The following KALRN variants were observed in gnomAD, a reference collection of about 807,000 sequenced individuals.
The protein encoded by KALRN is kalirin.
A neutral mutation model predicts 353.7 loss-of-function variants in KALRN; 70 were observed. That is an observed-to-expected ratio of 0.20 (90% confidence interval 0.16 to 0.24). The LOEUF (loss-of-function observed/expected upper bound fraction) is 0.24, where lower values mean the gene tolerates loss of function less well. Ranked by LOEUF, KALRN falls within the 10% of genes least tolerant of loss-of-function variation. The probability of loss-of-function intolerance (pLI) is 1.00; values close to 1 mark genes in which losing one functional copy is unlikely to be tolerated. For synonymous variants in KALRN, 1,391 were observed against 1,434.8 expected (o/e 0.97, Z 0.69); for missense variants, 2,791 against 3,756.7 (o/e 0.74, Z 6.72).
At chr3:124,692,354 T>C (rs577162201) in intron 51 of KALRN, among the ~76,000 whole-genome samples, 1 of 152,350 alleles carries the variant, frequency 6.6e-6, no homozygotes, top group African/African-American at 2.4e-5. Flanking sequence ...CTGGGTGGTA[T>C]AAGCAGGCAC....
At chr3:124,366,790 G>C (rs1365533253) in intron 10 of KALRN, among the ~76,000 whole-genome samples, 2 of 151,706 alleles carry the variant, frequency 1.3e-5, no homozygotes, top group Non-Finnish European at 2.9e-5. Flanking sequence ...GCCGGGCAGA[G>C]GCGCCCCTCA....
chr3:124,216,659 T>C (rs1043764617), intron 1 of KALRN, among the ~76,000 whole-genome samples: 10 of 152,218 alleles, frequency 6.6e-5, no homozygotes, highest in Admixed American at 1.3e-4. Context: ...GAGAAGGATT[T>C]TGGCTTCATG....
chr3:124,084,998 T>C (rs2060734396), intron 1 of KALRN, among the ~76,000 whole-genome samples: 1 of 152,194 alleles, frequency 6.6e-6, no homozygotes, highest in Non-Finnish European at 1.5e-5. Flanking sequence ...AGACGTACCA[T>C]GTAACGACAC....
rs373881289 is a variant in KALRN, at chr3:124,201,317, G to A, written c.74-26673G>A. On this transcript the variant is annotated intron_variant, in intron 1 of 59. Transcript: ENST00000682506. ...AGGATTCTGAAGTCTGGGAAGTCCC[G>A]GCTGAACTTGGGCTCAGAAGCTGGT... Among the ~76,000 whole-genome samples the A allele has an allele frequency of 1.3e-3, 193 of 152,278 alleles. 1 individual carries two copies. Among genetic ancestry groups the A allele is most frequent in the African/African-American group, 3.7e-3 (155 of 41,552 alleles).
At chr3:124,377,396 T>G (rs1261061100) in intron 10 of KALRN, among the ~76,000 whole-genome samples, 1 of 152,172 alleles carries the variant, frequency 6.6e-6, no homozygotes, top group Non-Finnish European at 1.5e-5. Context: ...TTAATTACAT[T>G]ATAGTCAGAG....
At chr3:124,442,121 C>G in intron 19 of KALRN, 62 bp downstream of exon 19, 1 of 945,732 alleles carries the variant, frequency 1.1e-6, no homozygotes, top group Non-Finnish European at 1.6e-6. Context: ...TGAAATATAC[C>G]ATGTACCCAG....
Position 124,509,774 on chromosome 3 carries a change from A to G in KALRN, c.4935+13361A>G, listed in dbSNP as rs1257882819. Among the ~76,000 whole-genome samples, 6 of 152,240 alleles carry G rather than the reference A, an allele frequency of 3.9e-5. No individual in the cohort carries two copies. In the East Asian group the frequency reaches 1.2e-3, roughly 29 times the overall value. ...TTTGGATCTTAGATGTCTGACAAAC[A>G]GCCAAAATCTAGGAAGAAACTAGCA... On this transcript the variant is annotated intron_variant, in intron 33 of 59. Transcript: ENST00000682506.
intron 1 of KALRN, among the ~76,000 whole-genome samples, chr3:124,037,183 A>G (rs777887180): frequency 6.6e-6 from 1 of 152,270 alleles, no homozygotes; most frequent in Non-Finnish European, 1.5e-5. Context: ...CACAAAAGAA[A>G]TATTCGAAGT....
intron 1 of KALRN, among the ~76,000 whole-genome samples, chr3:124,186,897 G>C (rs768144552): frequency 2.0e-5 from 3 of 152,130 alleles, no homozygotes; most frequent in Admixed American, 6.5e-5. Flanking sequence ...TGGGACACTT[G>C]TTTGCCAGTT....
At chr3:124,223,424 A>T (rs748140368) in intron 1 of KALRN, among the ~76,000 whole-genome samples, 3 of 152,162 alleles carry the variant, frequency 2.0e-5, no homozygotes, top group Non-Finnish European at 4.4e-5. Context: ...GGTGAAGTAG[A>T]AAGAGAAGGC....
chr3:124,199,719 C>T (rs1244069345), intron 1 of KALRN, among the ~76,000 whole-genome samples: 2 of 152,080 alleles, frequency 1.3e-5, no homozygotes, highest in Non-Finnish European at 2.9e-5. Context: ...GGGTATGTGG[C>T]TAGCCTGAGC....
chr3:124,275,097 C>T (rs1445243704), intron 5 of KALRN, among the ~76,000 whole-genome samples: 2 of 152,230 alleles, frequency 1.3e-5, no homozygotes, highest in Non-Finnish European at 1.5e-5. Flanking sequence ...TCTGCTTCCA[C>T]ACTGCACTGT....
chr3:124,514,125 C>G (rs1003509643), intron 33 of KALRN, among the ~76,000 whole-genome samples: 1 of 152,182 alleles, frequency 6.6e-6, no homozygotes, highest in Non-Finnish European at 1.5e-5. Context: ...CTGTATATCT[C>G]AGTTTTTAAT....
chr3:124,501,101 C>T (rs1325359949), intron 33 of KALRN, among the ~76,000 whole-genome samples: 1 of 152,230 alleles, frequency 6.6e-6, no homozygotes, highest in Non-Finnish European at 1.5e-5. Context: ...TGGAACATTA[C>T]AAACCTATCC....
intron 34 of KALRN, among the ~76,000 whole-genome samples, chr3:124,567,734 A>G (rs2073030491): frequency 6.6e-6 from 1 of 152,194 alleles, no homozygotes; most frequent in Non-Finnish European, 1.5e-5. Flanking sequence ...CTGATGCCTC[A>G]TATCCACCCC....
chr3:124,480,954 A>G (rs1342351111), intron 27 of KALRN, among the ~76,000 whole-genome samples: 2 of 152,100 alleles, frequency 1.3e-5, no homozygotes, highest in Admixed American at 6.5e-5. Flanking sequence ...CCATTTATCA[A>G]TTCATGGATG....
chr3:124,704,780 G>A (rs534212122), intron 57 of KALRN, among the ~76,000 whole-genome samples: 3 of 152,134 alleles, frequency 2.0e-5, no homozygotes, highest in Non-Finnish European at 4.4e-5. Flanking sequence ...AAACTCCTGA[G>A]CTCAAGCAAT....
At chr3:124,474,595 C>G in intron 25 of KALRN, 68 bp from the exon 26 acceptor site, 2 of 1,236,758 alleles carry the variant, frequency 1.6e-6, no homozygotes, top group Non-Finnish European at 2.4e-6. Flanking sequence ...TTGTGCTGGC[C>G]TCAGTGCAAT....
intron 5 of KALRN, among the ~76,000 whole-genome samples, chr3:124,296,717 C>T (rs560837062): frequency 8.5e-5 from 13 of 152,254 alleles, no homozygotes; most frequent in Non-Finnish European, 1.5e-4. Flanking sequence ...CACACTTCCT[C>T]CTTGATGTCA....
Sources: allele counts gnomAD v4.1 joint callset (sites outside exome capture counted in the v4.1 genomes callset), GRCh38; gene constraint gnomAD v4.1.1; transcripts MANE v1.5; gene names NCBI Gene and HGNC (gene_info 2026-07-23, HGNC 2026-07-21).